Variants in TGFBI observed in about 807,000 individuals in gnomAD.
The protein encoded by TGFBI is transforming growth factor beta induced.
TGFBI carries 50 observed loss-of-function variants against 73.7 expected under a neutral mutation model. The ratio of observed to expected loss-of-function variants is 0.68; its 90% CI spans 0.54 to 0.86. TGFBI has a LOEUF of 0.86. Ranked by LOEUF, TGFBI falls within the 40% of genes least tolerant of loss-of-function variation. The probability of loss-of-function intolerance (pLI) is 0.00; values close to 1 mark genes in which losing one functional copy is unlikely to be tolerated. For missense variants in TGFBI, 839 were observed against 877.0 expected (o/e 0.96, Z 0.55); for synonymous variants, 362 against 360.5 (o/e 1.00, Z -0.05).
At chr5:136,052,819 G>T in intron 7 of TGFBI, 88 bp from the exon 8 acceptor site, 2 of 1,299,398 alleles carry the variant, frequency 1.5e-6, no homozygotes, top group South Asian at 1.4e-5. Flanking sequence ...GAGAGAACAG[G>T]ATCCTCACAG....
At position 136,049,540 on chromosome 5, in the gene TGFBI, G is replaced by C; in HGVS notation, c.873G>C (p.Glu291Asp). 1 of 1,613,962 alleles carries C rather than the reference G, an allele frequency of 6.2e-7. No homozygotes were observed. The highest frequency in any genetic ancestry group is 2.2e-5 in the East Asian group (1 of 44,880). The change falls in exon 7 of 17, where the codon GAG becomes GAC. Residue 291 changes from glutamate (E) to aspartate (D), a missense_variant. Physicochemically the swap from Glu to Asp is conservative, Grantham distance 45 (BLOSUM62 2). Transcript: ENST00000442011. Reference protein sequence around the residue: ...TNEAFEKIPSETLNRILGDPE... With the variant: ...TNEAFEKIPSDTLNRILGDPE... ...AGGCCTTCGAGAAGATCCCTAGTGAGACTTTGAACCGTATCCTGGGCGACC... is the reference window on the plus strand; with the variant it reads ...AGGCCTTCGAGAAGATCCCTAGTGACACTTTGAACCGTATCCTGGGCGACC...
intron 2 of TGFBI, among the ~76,000 whole-genome samples, chr5:136,035,624 C>CAAAAAA (rs1191524920): frequency 2.0e-4 from 14 of 71,598 alleles, no homozygotes; most frequent in South Asian, 5.5e-4. Context: ...GACACCGTCT[C>CAAAAAA]AAAAAAAAAA....
intron 15 of TGFBI, 45 bp from the exon 16 acceptor site, chr5:136,062,618 G>A (rs1751767943): frequency 6.4e-7 from 1 of 1,551,320 alleles, no homozygotes; most frequent in African/African-American, 1.4e-5. Flanking sequence ...GCAGTTGCAG[G>A]TATAACTTTC....
chr5:136,056,139 T>C (rs1751627299), intron 11 of TGFBI, among the ~76,000 whole-genome samples: 1 of 152,218 alleles, frequency 6.6e-6, no homozygotes, highest in South Asian at 2.1e-4. Flanking sequence ...GAGCACATAG[T>C]TTACAGTGCA....
At chr5:136,054,552 T>A in intron 9 of TGFBI, 164 bp from the exon 10 acceptor site, 2 of 976,172 alleles carry the variant, frequency 2.0e-6, no homozygotes, top group Non-Finnish European at 3.3e-6. Context: ...TAATTCTCCA[T>A]AGAAGATACC....
chr5:136,059,165 C>T lies in TGFBI; in HGVS notation c.1754C>T (p.Ala585Val). 6.2e-7 allele frequency: 1 copy of T among 1,610,688 alleles called. No individual in the cohort carries two copies. ...DEILVSGGIGALVRLKSLQGD... is the reference protein window; with the variant it reads ...DEILVSGGIGVLVRLKSLQGD... ...ATCCTGGTTAGCGGAGGCATCGGGG[C>T]CCTGGTGCGGCTAAAGTCTCTCCAA... Residue 585 changes from alanine to valine, a missense_variant, in exon 13 of 17, where the codon GCC becomes GTC. Physicochemically the swap from Ala to Val is moderately conservative, Grantham distance 64. Transcript: ENST00000442011.
intron 12 of TGFBI, chr5:136,058,796 CCTT>C (rs1195349332): frequency 2.0e-5 from 6 of 296,862 alleles, no homozygotes; most frequent in African/African-American, 4.3e-5. Context: ...TGGATTAACT[CCTT>C]CTCAGCAGCC....
chr5:136,056,526 C>T (rs2126915198), intron 11 of TGFBI, 139 bp from the exon 12 acceptor site: 1 of 1,129,900 alleles, frequency 8.9e-7, no homozygotes, highest in South Asian at 1.5e-5. Context: ...GGCATGAAAA[C>T]CAAGGTGTGT....
At chr5:136,044,248 C>G in intron 3 of TGFBI, 126 bp downstream of exon 3, 3 of 785,738 alleles carry the variant, frequency 3.8e-6, no homozygotes, top group Non-Finnish European at 6.4e-6. Flanking sequence ...GGCATTCTCC[C>G]CACGTGCCCA....
chr5:136,048,277 G>T (rs754201333), intron 6 of TGFBI: 3 of 152,186 alleles, frequency 2.0e-5, no homozygotes, highest in Non-Finnish European at 4.4e-5. Context: ...AGAAAATGAT[G>T]TTCCCACATA....
rs370910755 is a variant in TGFBI, at chr5:136,063,255, C to T, written c.*29C>T. On this transcript the variant is annotated 3_prime_UTR_variant, in exon 17 of 17. Transcript: ENST00000442011. ...GAAGCACTACAGGAGGAATGCACCACGGCAGCTCTCCGCCAATTTCTCTCA... is the reference window on the plus strand; with the variant it reads ...GAAGCACTACAGGAGGAATGCACCATGGCAGCTCTCCGCCAATTTCTCTCA... 4.7e-5 allele frequency: 76 copies of T among 1,601,042 alleles called. No homozygotes were observed. Among genetic ancestry groups the T allele is most frequent in the African/African-American group, 3.2e-4 (24 of 74,818 alleles).
chr5:136,031,173 G>A (rs140261014), intron 1 of TGFBI, among the ~76,000 whole-genome samples: 3 of 152,270 alleles, frequency 2.0e-5, no homozygotes, highest in Non-Finnish European at 4.4e-5. Flanking sequence ...ATCTGGATGC[G>A]CAGGCACATG....
intron 13 of TGFBI, among the ~76,000 whole-genome samples, chr5:136,060,384 A>G (rs1296518809): frequency 6.6e-6 from 1 of 152,222 alleles, no homozygotes; most frequent in African/African-American, 2.4e-5. Flanking sequence ...TCACCAGAGT[A>G]TCCCCAGTCT....
At chr5:136,049,712 G>A in intron 7 of TGFBI, 132 bp downstream of exon 7, 1 of 1,104,644 alleles carries the variant, frequency 9.1e-7, no homozygotes, top group Non-Finnish European at 1.3e-6. Flanking sequence ...GCCATGGGCT[G>A]GGGTCATCCT....
intron 2 of TGFBI, among the ~76,000 whole-genome samples, chr5:136,036,583 A>T (rs1275839307): frequency 6.6e-6 from 1 of 152,118 alleles, no homozygotes; most frequent in Non-Finnish European, 1.5e-5. Flanking sequence ...GACCAAGACC[A>T]GTGAGGAGGC....
intron 6 of TGFBI, 78 bp downstream of exon 6, chr5:136,047,498 C>A: frequency 6.4e-7 from 1 of 1,565,846 alleles, no homozygotes; most frequent in Non-Finnish European, 8.7e-7. Context: ...AACTCTTCTG[C>A]AGGAGAGGTA....
At chr5:136,060,387 C>A (rs1360231070) in intron 13 of TGFBI, among the ~76,000 whole-genome samples, 1 of 152,112 alleles carries the variant, frequency 6.6e-6, no homozygotes, top group Non-Finnish European at 1.5e-5. Flanking sequence ...CCAGAGTATC[C>A]CCAGTCTAAC....
At position 136,046,328 on chromosome 5, in the gene TGFBI, C is replaced by T. The variant is rs763418896; in HGVS notation, c.299-7C>T. On this transcript the variant is annotated splice_region_variant and splice_polypyrimidine_tract_variant and intron_variant, in intron 3 of 16. Coordinates refer to ENST00000442011, the MANE Select transcript of TGFBI (RefSeq NM_000358.3). ...GCCATCCCTCCTTCTGTCTTCTGCT[C>T]CTGCAGCCCTACCACTCTCAAACCT... 1.9e-6 allele frequency: 3 copies of T among 1,613,886 alleles called. No homozygotes were observed. Among genetic ancestry groups the T allele is most frequent in the Non-Finnish European group, 1.7e-6 (2 of 1,179,818 alleles).
intron 15 of TGFBI, among the ~76,000 whole-genome samples, chr5:136,062,007 A>T (rs965194366): frequency 2.0e-5 from 3 of 152,096 alleles, no homozygotes; most frequent in Admixed American, 1.3e-4. Context: ...TCTCCTGGGC[A>T]CTGTATGTAT....
Sources: gnomAD v4.1 joint callset for allele counts (sites outside exome capture counted in the v4.1 genomes callset) on GRCh38, gnomAD v4.1.1 for gene constraint, MANE v1.5 for transcripts, NCBI Gene and HGNC (gene_info 2026-07-23, HGNC 2026-07-21) for gene names.